CNTN4: variants seen among roughly 807,000 people sequenced by gnomAD.
The protein encoded by CNTN4 is contactin-4.
Under a neutral mutation model 122.5 loss-of-function variants are expected in CNTN4, and 77 were observed. The observed-to-expected ratio is 0.63, with a 90% CI of 0.52 to 0.76. CNTN4 has a LOEUF of 0.76. Ranked by LOEUF, CNTN4 falls within the 30% of genes least tolerant of loss-of-function variation. CNTN4 has a pLI of 0.00. For missense variants in CNTN4, 1,256 were observed against 1,259.1 expected (o/e 1.00, Z 0.04); for synonymous variants, 512 against 447.0 (o/e 1.15, Z -1.83).
intron 3 of CNTN4, among the ~76,000 whole-genome samples, chr3:2,367,707 A>T (rs570742804): frequency 6.6e-6 from 1 of 151,988 alleles, no homozygotes; most frequent in East Asian, 1.9e-4. Flanking sequence ...CTGGTCTCGA[A>T]CTCCTGACCT....
At chr3:2,127,291 G>C (rs989355198) in intron 2 of CNTN4, among the ~76,000 whole-genome samples, 5 of 152,110 alleles carry the variant, frequency 3.3e-5, no homozygotes, top group African/African-American at 1.2e-4. Context: ...GTCCATCAGA[G>C]AACTTTCAGA....
chr3:3,022,746 G>T (rs1698408398), intron 14 of CNTN4, among the ~76,000 whole-genome samples: 1 of 152,042 alleles, frequency 6.6e-6, no homozygotes, highest in Admixed American at 6.6e-5. Flanking sequence ...TTAACTCTAG[G>T]AGAATTAAGC....
intron 3 of CNTN4, among the ~76,000 whole-genome samples, chr3:2,456,679 A>G (rs2049014445): frequency 6.6e-6 from 1 of 152,136 alleles, no homozygotes; most frequent in Non-Finnish European, 1.5e-5. Context: ...ACTCATCCAC[A>G]TCGTAGCACC....
chr3:2,896,230 G>A (rs890696479), intron 10 of CNTN4, among the ~76,000 whole-genome samples: 9 of 151,932 alleles, frequency 5.9e-5, no homozygotes, highest in African/African-American at 2.2e-4. Flanking sequence ...ACTTTTTTTA[G>A]CATGAAATTT....
In CNTN4 at chr3:2,752,917, C is replaced by T. The variant is rs186665496; in HGVS notation, c.358+7220C>T. 9.5e-4 allele frequency among the ~76,000 whole-genome samples: 145 copies of T among 152,296 alleles called. 1 individual carries two copies. The highest frequency in any genetic ancestry group is 1.9e-3 in the Admixed American group (29 of 15,290). On this transcript the variant is annotated intron_variant, in intron 6 of 24. Transcript: ENST00000418658. ...CTTATTTCAGTTAGCATAATGTCCT[C>T]CAGATTCATCCACGGTGCCATAAAT... is the stretch of plus-strand genomic sequence containing the variant.
At chr3:2,887,872 A>C (rs914059571) in intron 10 of CNTN4, among the ~76,000 whole-genome samples, 1 of 152,194 alleles carries the variant, frequency 6.6e-6, no homozygotes, top group Non-Finnish European at 1.5e-5. Flanking sequence ...TAGGATACTG[A>C]TTTGAAATCT....
chr3:2,259,552 G>A (rs987890392), intron 2 of CNTN4, among the ~76,000 whole-genome samples: 1 of 152,256 alleles, frequency 6.6e-6, no homozygotes, highest in Admixed American at 6.5e-5. Context: ...GTCTGGAGAG[G>A]CCTCATAATC....
chr3:2,595,977 A>G (rs17017041), intron 4 of CNTN4, among the ~76,000 whole-genome samples: 5,087 of 152,284 alleles, frequency 0.033, 248 homozygotes, highest in East Asian at 0.18. Context: ...AAACAAGTGA[A>G]GCTATCATGG....
intron 2 of CNTN4, among the ~76,000 whole-genome samples, chr3:2,169,440 T>G (rs543793378): frequency 0.03 from 4,567 of 152,110 alleles, 84 homozygotes; most frequent in Non-Finnish European, 0.042. Context: ...GGAGTCTGGC[T>G]CTGTCACTCA....
chr3:2,795,320 A>G (rs1376425135), intron 6 of CNTN4, among the ~76,000 whole-genome samples: 2 of 152,100 alleles, frequency 1.3e-5, no homozygotes, highest in Non-Finnish European at 2.9e-5. Context: ...CATTGGTTCA[A>G]ACATCCATCC....
chr3:2,497,268 C>T (rs2151714855), intron 3 of CNTN4, among the ~76,000 whole-genome samples: 1 of 152,272 alleles, frequency 6.6e-6, no homozygotes, highest in African/African-American at 2.4e-5. Context: ...CTTTAATGGA[C>T]ACTCTTCCCC....
At chr3:2,174,019 C>T (rs1231068314) in intron 2 of CNTN4, among the ~76,000 whole-genome samples, 2 of 152,090 alleles carry the variant, frequency 1.3e-5, no homozygotes, top group African/African-American at 4.8e-5. Context: ...TTGCATCCCT[C>T]TAGCATATTT....
intron 6 of CNTN4, among the ~76,000 whole-genome samples, chr3:2,773,128 G>T (rs929504574): frequency 3.7e-5 from 4 of 108,020 alleles, no homozygotes; most frequent in Admixed American, 8.1e-5. Flanking sequence ...ATCTTTTGGT[G>T]GGGGGGGTTG....
At chr3:2,868,415 A>T (rs2093748036) in intron 8 of CNTN4, among the ~76,000 whole-genome samples, 1 of 152,150 alleles carries the variant, frequency 6.6e-6, no homozygotes, top group Non-Finnish European at 1.5e-5. Flanking sequence ...GAATTTATAC[A>T]AGAAAAACTT....
In CNTN4 at chr3:2,820,275, G is replaced by C. The variant is rs2092833098; in HGVS notation, c.454+694G>C. ...TGCTAGAATGGTTCCCAGAACTCAG[G>C]GAAAACAGTTTACTTACATACCAGT... On this transcript the variant is annotated intron_variant, in intron 7 of 24. Coordinates refer to ENST00000418658, the MANE Select transcript of CNTN4 (RefSeq NM_175607.3). Among the ~76,000 whole-genome samples the C allele has an allele frequency of 2.0e-5, 3 of 152,042 alleles. No homozygotes were observed. In the South Asian group the frequency reaches 6.2e-4, roughly 32 times the overall value.
intron 4 of CNTN4, among the ~76,000 whole-genome samples, chr3:2,618,122 T>C: frequency 6.6e-6 from 1 of 152,132 alleles, no homozygotes; most frequent in East Asian, 1.9e-4. Flanking sequence ...TTACATGTAA[T>C]ATGGGATAGG....
chr3:2,672,112 G>A lies in CNTN4; in HGVS notation c.56-64103G>A, dbSNP rs11709206. On this transcript the variant is annotated intron_variant, in intron 4 of 24. Transcript: ENST00000418658. ...TCTGTTCTCAGATCTCAAGCTGCGT[G>A]CTGGGAGAACCACCACTGTCTTCCA... is the stretch of plus-strand genomic sequence containing the variant. Among the ~76,000 whole-genome samples, 1,079 of 152,334 alleles carry A rather than the reference G, an allele frequency of 7.1e-3. 4 individuals carry two copies. The highest frequency in any genetic ancestry group is 0.041 in the Middle Eastern group (12 of 294).
intron 3 of CNTN4, among the ~76,000 whole-genome samples, chr3:2,547,160 G>GTA (rs2078279146): frequency 6.6e-6 from 1 of 152,082 alleles, no homozygotes; most frequent in South Asian, 2.1e-4. Flanking sequence ...GAAGAACATG[G>GTA]TATAGATCTA....
chr3:2,594,102 C>G (rs942933716), intron 4 of CNTN4, among the ~76,000 whole-genome samples: 1 of 152,136 alleles, frequency 6.6e-6, no homozygotes, highest in Non-Finnish European at 1.5e-5. Flanking sequence ...ATACGTTTTA[C>G]AAGCAGGAGA....
Sources: allele counts gnomAD v4.1 joint callset (sites outside exome capture counted in the v4.1 genomes callset), GRCh38; gene constraint gnomAD v4.1.1; transcripts MANE v1.5; gene names NCBI Gene and HGNC (gene_info 2026-07-23, HGNC 2026-07-21).